DLG2: variants seen among roughly 807,000 people sequenced by gnomAD.
DLG2 encodes the protein disks large homolog 2.
A neutral mutation model predicts 132.5 loss-of-function variants in DLG2; 45 were observed. That is an observed-to-expected ratio of 0.34 (90% CI 0.27 to 0.44). The LOEUF (loss-of-function observed/expected upper bound fraction) is 0.44, where lower values mean the gene tolerates loss of function less well. Among genes scored for constraint, DLG2 ranks in the 20% least tolerant of loss-of-function variants. DLG2 has a pLI of 1.00. For missense variants in DLG2, 1,045 were observed against 1,196.9 expected (o/e 0.87, Z 1.87); for synonymous variants, 424 against 419.6 (o/e 1.01, Z -0.13).
At position 85,515,624 on chromosome 11, in the gene DLG2, C is replaced by T. The variant is rs534543010; in HGVS notation, c.40+83033G>A. On this transcript the variant is annotated intron_variant, in intron 3 of 27. Coordinates refer to ENST00000376104, the MANE Select transcript of DLG2 (RefSeq NM_001142699.3). ...CATTATTATTGATTTTCAGATCAGT[C>T]TTTCTTGTGTTCACTCTCAATGACA... Among the ~76,000 whole-genome samples the T allele has an allele frequency of 1.5e-4, 23 of 152,012 alleles. 2 individuals are homozygous for T. The highest frequency in any genetic ancestry group is 1.1e-3 in the Admixed American group (17 of 15,272).
At chr11:85,241,365 C>T (rs915189902) in intron 4 of DLG2, among the ~76,000 whole-genome samples, 11 of 151,722 alleles carry the variant, frequency 7.3e-5, no homozygotes, top group Non-Finnish European at 1.2e-4. Flanking sequence ...TTTTCCAATC[C>T]TTTGACTTTT....
At chr11:84,848,775 G>C (rs1185511245) in intron 6 of DLG2, among the ~76,000 whole-genome samples, 1 of 152,176 alleles carries the variant, frequency 6.6e-6, no homozygotes, top group Non-Finnish European at 1.5e-5. Context: ...TATTTTGCAT[G>C]TGGAAGGGAC....
intron 3 of DLG2, among the ~76,000 whole-genome samples, chr11:85,547,096 C>T (rs544614296): frequency 2.0e-5 from 3 of 152,126 alleles, no homozygotes; most frequent in African/African-American, 7.2e-5. Flanking sequence ...TTATTCATAG[C>T]GTCGATGGTC....
At chr11:84,971,838 G>A (rs1354111441) in intron 6 of DLG2, among the ~76,000 whole-genome samples, 1 of 151,958 alleles carries the variant, frequency 6.6e-6, no homozygotes, top group Non-Finnish European at 1.5e-5. Context: ...AAAGCTTTTG[G>A]CTTTGTGATA....
chr11:84,795,462 C>T (rs980555085), intron 6 of DLG2, among the ~76,000 whole-genome samples: 1 of 150,666 alleles, frequency 6.6e-6, no homozygotes, highest in Admixed American at 6.6e-5. Context: ...GCTGGACACT[C>T]ATCAGGATGA....
At chr11:85,322,870 A>G (rs548487860) in intron 3 of DLG2, among the ~76,000 whole-genome samples, 23 of 152,158 alleles carry the variant, frequency 1.5e-4, no homozygotes, top group Non-Finnish European at 3.2e-4. Context: ...AATCCAGGTA[A>G]CCAACATCTC....
At chr11:83,756,706 C>T (rs1410866123) in intron 18 of DLG2, among the ~76,000 whole-genome samples, 3 of 151,276 alleles carry the variant, frequency 2.0e-5, no homozygotes, top group Admixed American at 2.0e-4. Context: ...AAAAGTAATC[C>T]AGCCCAGTTT....
At chr11:83,876,894 C>T (rs368949924) in intron 15 of DLG2, among the ~76,000 whole-genome samples, 1 of 152,086 alleles carries the variant, frequency 6.6e-6, no homozygotes, top group South Asian at 2.1e-4. Flanking sequence ...TTTGGAGTTA[C>T]ATAACGTTAC....
At position 85,447,081 on chromosome 11, in the gene DLG2, G is replaced by C. The variant is rs566593407; in HGVS notation, c.40+151576C>G. On this transcript the variant is annotated intron_variant, in intron 3 of 27. Transcript: ENST00000376104. ...ATAAATAGAACCATTATAAATTAAA[G>C]ACCAACTGTACAGAAGTTCTAATCT... Among the ~76,000 whole-genome samples the C allele has an allele frequency of 6.7e-4, 102 of 152,138 alleles. No individual in the cohort carries two copies. In the Middle Eastern group the frequency reaches 0.01, roughly 15 times the overall value.
chr11:84,536,079 TACTTAC>T (rs1213656064), intron 6 of DLG2, among the ~76,000 whole-genome samples: 1 of 152,154 alleles, frequency 6.6e-6, no homozygotes, highest in South Asian at 2.1e-4. Context: ...AGATTATCAA[TACTTAC>T]ACTTATACTT....
chr11:85,374,143 C>T (rs2085211987), intron 3 of DLG2, among the ~76,000 whole-genome samples: 1 of 152,096 alleles, frequency 6.6e-6, no homozygotes, highest in Non-Finnish European at 1.5e-5. Flanking sequence ...AGTTTTTGAG[C>T]TGCAACACCC....
chr11:84,405,276 T>C (rs2098844698), intron 7 of DLG2, among the ~76,000 whole-genome samples: 1 of 152,220 alleles, frequency 6.6e-6, no homozygotes, highest in Non-Finnish European at 1.5e-5. Context: ...CAGCCAACCT[T>C]AGTATCTCCA....
At chr11:84,421,231 G>T (rs1601826617) in intron 7 of DLG2, among the ~76,000 whole-genome samples, 2 of 152,254 alleles carry the variant, frequency 1.3e-5, no homozygotes, top group Middle Eastern at 3.4e-3. Flanking sequence ...TTCTAGAATT[G>T]TGAAGAAATA....
chr11:84,069,256 G>A (rs1028207345), intron 10 of DLG2, among the ~76,000 whole-genome samples: 32 of 152,124 alleles, frequency 2.1e-4, no homozygotes, highest in African/African-American at 7.5e-4. Flanking sequence ...CTTGGCTCAT[G>A]TATGATTCAT....
At chr11:84,565,675 A>T (rs1323801876) in intron 6 of DLG2, among the ~76,000 whole-genome samples, 2 of 152,126 alleles carry the variant, frequency 1.3e-5, no homozygotes, top group African/African-American at 4.8e-5. Context: ...TCAAATTTAT[A>T]TTGGAGATGG....
chr11:83,681,626 A>G (rs2078833643), intron 18 of DLG2, among the ~76,000 whole-genome samples: 1 of 152,104 alleles, frequency 6.6e-6, no homozygotes, highest in African/African-American at 2.4e-5. Context: ...CTACCACCAT[A>G]CTGAGTTTCA....
chr11:85,213,352 A>G (rs1176641485), intron 4 of DLG2, among the ~76,000 whole-genome samples: 1 of 152,058 alleles, frequency 6.6e-6, no homozygotes, highest in Non-Finnish European at 1.5e-5. Context: ...TAATACATGT[A>G]AGATGTACAT....
At chr11:83,578,536 A>G (rs1423284248) in intron 19 of DLG2, among the ~76,000 whole-genome samples, 2 of 152,160 alleles carry the variant, frequency 1.3e-5, no homozygotes, top group Non-Finnish European at 2.9e-5. Flanking sequence ...TTAAATTCAA[A>G]GGTACAACTA....
At chr11:84,761,972 G>A (rs929955169) in intron 6 of DLG2, 2 of 151,508 alleles carry the variant, frequency 1.3e-5, no homozygotes, top group African/African-American at 4.9e-5. Flanking sequence ...CATTTCTGAG[G>A]GCCCATCCTA....
Sources: gnomAD v4.1 joint callset for allele counts (sites outside exome capture counted in the v4.1 genomes callset) on GRCh38, gnomAD v4.1.1 for gene constraint, MANE v1.5 for transcripts, NCBI Gene and HGNC (gene_info 2026-07-23, HGNC 2026-07-21) for gene names.